Variants in PRMT8 observed in about 807,000 individuals in gnomAD.
PRMT8 encodes protein arginine N-methyltransferase 8.
In PRMT8, 7 loss-of-function variants were observed where a neutral mutation model predicts 47.1. That is an observed-to-expected ratio of 0.15 (90% CI 0.08 to 0.28). The LOEUF is 0.28. PRMT8 is among the 10% of genes least tolerant of loss of function. PRMT8 has a pLI of 1.00. For synonymous variants in PRMT8, 188 were observed against 186.5 expected (o/e 1.01, Z -0.07); for missense variants, 237 against 505.4 (o/e 0.47, Z 5.09).
At chr12:3,490,542 G>GGA, upstream of PRMT8, among the ~76,000 whole-genome samples, 1 of 135,246 alleles carries the variant, frequency 7.4e-6, no homozygotes, top group Non-Finnish European at 1.6e-5. Context: ...AGGGAAGACT[G>GGA]GAGTGGGGGG....
intron 1 of PRMT8, among the ~76,000 whole-genome samples, chr12:3,455,014 A>G (rs1444825301): frequency 1.3e-5 from 2 of 152,066 alleles, no homozygotes; most frequent in Non-Finnish European, 2.9e-5. Flanking sequence ...CCAACCAATC[A>G]ACAGCTCCAA....
At chr12:3,491,848 GT>G in intron 1 of PRMT8, 148 bp downstream of exon 1, 1 of 236,190 alleles carries the variant, frequency 4.2e-6, no homozygotes, top group Non-Finnish European at 7.1e-6. Context: ...GTGTGTGTGT[GT>G]GTGTGTGTGT....
chr12:3,413,814 T>A (rs745514452), intron 1 of PRMT8, among the ~76,000 whole-genome samples: 55 of 152,184 alleles, frequency 3.6e-4, no homozygotes, highest in Non-Finnish European at 5.7e-4. Flanking sequence ...ATAACAACTA[T>A]TTACATAAAA....
At chr12:3,405,693 A>G (rs1423307574) in intron 1 of PRMT8, among the ~76,000 whole-genome samples, 1 of 152,248 alleles carries the variant, frequency 6.6e-6, no homozygotes, top group Non-Finnish European at 1.5e-5. Context: ...TTAAAGTTCC[A>G]AAATGATCTC....
At chr12:3,390,352 G>A (rs867370198) in intron 1 of PRMT8, among the ~76,000 whole-genome samples, 7 of 152,214 alleles carry the variant, frequency 4.6e-5, no homozygotes, top group Non-Finnish European at 8.8e-5. Context: ...CCTGCTGACC[G>A]ATGGCACAAT....
intron 1 of PRMT8, among the ~76,000 whole-genome samples, chr12:3,529,919 C>A (rs117864177): frequency 6.6e-6 from 1 of 152,104 alleles, no homozygotes; most frequent in Non-Finnish European, 1.5e-5. Context: ...TTGTACTACA[C>A]GGGTGCAAAG....
At chr12:3,402,736 A>G (rs747360979) in intron 1 of PRMT8, among the ~76,000 whole-genome samples, 29 of 152,234 alleles carry the variant, frequency 1.9e-4, no homozygotes, top group Non-Finnish European at 4.4e-5. Context: ...ATCCCTGATC[A>G]TTAGAGAAAT....
At chr12:3,522,925 C>T (rs1048577265) in intron 1 of PRMT8, among the ~76,000 whole-genome samples, 3 of 152,088 alleles carry the variant, frequency 2.0e-5, no homozygotes, top group African/African-American at 7.2e-5. Context: ...TAAGCAGGCT[C>T]CGTCATTGGG....
chr12:3,542,151 A>C (rs1442019933), intron 2 of PRMT8, among the ~76,000 whole-genome samples: 1 of 152,180 alleles, frequency 6.6e-6, no homozygotes, highest in Non-Finnish European at 1.5e-5. Flanking sequence ...GAGGCCCCCC[A>C]GTTACTTCTA....
chr12:3,556,670 T>G (rs1866533025), intron 4 of PRMT8, among the ~76,000 whole-genome samples: 1 of 151,972 alleles, frequency 6.6e-6, no homozygotes, highest in African/African-American at 2.4e-5. Context: ...GAAGAAGTTT[T>G]TTTAAAAAAA....
intron 1 of PRMT8, among the ~76,000 whole-genome samples, chr12:3,421,744 G>A (rs1864543498): frequency 1.3e-5 from 2 of 152,216 alleles, no homozygotes; most frequent in Non-Finnish European, 2.9e-5. Flanking sequence ...TTTAATCGCA[G>A]CATTTTGGTT....
In PRMT8 at chr12:3,569,189, C is replaced by T. The variant is rs896961270; in HGVS notation, c.625-288C>T. Among the ~76,000 whole-genome samples the T allele has an allele frequency of 7.2e-5, 11 of 152,224 alleles. No individual in the cohort carries two copies. The highest frequency in any genetic ancestry group is 2.7e-4 in the African/African-American group (11 of 41,450). On this transcript the variant is annotated intron_variant, in intron 5 of 9. Coordinates refer to ENST00000382622, the MANE Select transcript of PRMT8 (RefSeq NM_019854.5). This position sits in a 1 kb window ranked among gnomAD's most constrained non-coding sequence, Gnocchi z 8.2. The stretch of plus-strand genomic sequence containing the variant: ...GAGCCAGGTGTGCTATTCATCTGGG[C>T]TTCTCCAGGCCAAAGTCGTAACATC...
intron 1 of PRMT8, among the ~76,000 whole-genome samples, chr12:3,384,888 A>G (rs1376850120): frequency 2.8e-5 from 4 of 144,790 alleles, no homozygotes; most frequent in Non-Finnish European, 4.5e-5. Context: ...GCCTTCACCT[A>G]TTAAGTGACA....
At chr12:3,520,899 T>C (rs118029526) in intron 1 of PRMT8, among the ~76,000 whole-genome samples, 2,643 of 152,256 alleles carry the variant, frequency 0.017, 38 homozygotes, top group South Asian at 0.055. Context: ...TGTGGGGAAC[T>C]GGTCAAACAA....
intron 1 of PRMT8, among the ~76,000 whole-genome samples, chr12:3,496,054 A>G (rs1411312643): frequency 6.6e-6 from 1 of 151,666 alleles, no homozygotes; most frequent in Admixed American, 6.6e-5. Flanking sequence ...CTCCTGAGCT[A>G]CTGCTTGCTT....
At chr12:3,556,747 G>T (rs9669267) in intron 4 of PRMT8, among the ~76,000 whole-genome samples, 1 of 151,636 alleles carries the variant, frequency 6.6e-6, no homozygotes, top group African/African-American at 2.4e-5. Context: ...AAGATTGCAG[G>T]TGCAGGAAAA....
At chr12:3,553,984 C>G (rs17769699) in intron 4 of PRMT8, among the ~76,000 whole-genome samples, 10,410 of 152,270 alleles carry the variant, frequency 0.068, 500 homozygotes, top group Middle Eastern at 0.14. Flanking sequence ...TTGCTTGTCC[C>G]CAGCTGTGGG....
intron 1 of PRMT8, among the ~76,000 whole-genome samples, chr12:3,484,384 T>C (rs1163955430): frequency 6.6e-6 from 1 of 152,262 alleles, no homozygotes; most frequent in African/African-American, 2.4e-5. Context: ...TAAGGCCACC[T>C]GGCTGCTAAA....
chr12:3,553,489 G>C (rs570747252), intron 3 of PRMT8, 162 bp from the exon 4 acceptor site: 22 of 651,116 alleles, frequency 3.4e-5, no homozygotes, highest in East Asian at 2.4e-4. Context: ...CCTTGAGGTG[G>C]GGGGGCTGGG....
Sources: allele counts gnomAD v4.1 joint callset (sites outside exome capture counted in the v4.1 genomes callset), GRCh38; gene constraint gnomAD v4.1.1; non-coding constraint Gnocchi (gnomAD v3.1); transcripts MANE v1.5; gene names NCBI Gene and HGNC (gene_info 2026-07-23, HGNC 2026-07-21).